Variants in GRIK2 observed in about 807,000 individuals in gnomAD.
GRIK2 encodes glutamate receptor ionotropic, kainate 2.
Under a neutral mutation model 100.3 loss-of-function variants are expected in GRIK2, and 32 were observed. The observed-to-expected ratio is 0.32, with a 90% CI of 0.24 to 0.43. The LOEUF is 0.43. Ranked by LOEUF, GRIK2 falls within the 20% of genes least tolerant of loss-of-function variation. GRIK2 has a pLI of 1.00. For synonymous variants in GRIK2, 417 were observed against 389.4 expected (o/e 1.07, Z -0.83); for missense variants, 843 against 1,114.9 (o/e 0.76, Z 3.47).
chr6:102,033,686 G>A (rs1770117718), intron 14 of GRIK2, among the ~76,000 whole-genome samples: 1 of 151,130 alleles, frequency 6.6e-6, no homozygotes, highest in East Asian at 1.9e-4. Flanking sequence ...AACAGTTTGG[G>A]TGACTTTTCT....
At chr6:101,800,155 G>A (rs901927416) in intron 8 of GRIK2, among the ~76,000 whole-genome samples, 22 of 151,858 alleles carry the variant, frequency 1.4e-4, no homozygotes, top group African/African-American at 4.8e-4. Flanking sequence ...TAATTTGTGA[G>A]GCTTCAAGTA....
chr6:101,820,341 C>T (rs111907221), intron 10 of GRIK2, among the ~76,000 whole-genome samples: 121 of 152,032 alleles, frequency 8.0e-4, no homozygotes, highest in African/African-American at 2.8e-3. Context: ...CTGTAGCCTT[C>T]AGTAATCTGG....
At chr6:101,867,777 A>G (rs1015022267) in intron 11 of GRIK2, among the ~76,000 whole-genome samples, 1 of 151,286 alleles carries the variant, frequency 6.6e-6, no homozygotes, top group African/African-American at 2.4e-5. Flanking sequence ...TTTTAAATTT[A>G]AATTTTTTTT....
intron 14 of GRIK2, among the ~76,000 whole-genome samples, chr6:101,998,958 C>T (rs1262262321): frequency 3.3e-5 from 5 of 151,444 alleles, no homozygotes; most frequent in South Asian, 4.2e-4. Context: ...GGATTACAGG[C>T]GTGTGCCACC....
At chr6:101,838,525 T>TTACC (rs1194381422) in intron 10 of GRIK2, among the ~76,000 whole-genome samples, 1 of 152,210 alleles carries the variant, frequency 6.6e-6, no homozygotes, top group Non-Finnish European at 1.5e-5. Context: ...GACTGTGGTA[T>TTACC]TACCTACGTA....
At position 101,431,942 on chromosome 6, in the gene GRIK2, A is replaced by T. The variant is rs1769430485; in HGVS notation, c.115+32550A>T. Among the ~76,000 whole-genome samples the T allele has an allele frequency of 2.0e-5, 3 of 152,150 alleles. No individual in the cohort carries two copies. In the South Asian group the frequency reaches 6.2e-4, roughly 32 times the overall value. The stretch of plus-strand genomic sequence containing the variant: ...TAACACTCCATGAGATGTGTTCCCA[A>T]CAAAACATTATGCCTCATTAGAAAG... On this transcript the variant is annotated intron_variant, in intron 2 of 16. Coordinates refer to ENST00000369134, the MANE Select transcript of GRIK2 (RefSeq NM_021956.5).
intron 10 of GRIK2, among the ~76,000 whole-genome samples, chr6:101,845,349 A>G (rs922423550): frequency 1.4e-4 from 21 of 152,032 alleles, no homozygotes; most frequent in African/African-American, 4.1e-4. Flanking sequence ...GCAATAGCCT[A>G]TCTGCTTTCT....
At chr6:102,018,430 C>A (rs1213830846) in intron 14 of GRIK2, among the ~76,000 whole-genome samples, 3 of 152,056 alleles carry the variant, frequency 2.0e-5, no homozygotes, top group African/African-American at 7.2e-5. Context: ...TGAGGACTGG[C>A]CTTGTTAAAA....
intron 4 of GRIK2, among the ~76,000 whole-genome samples, chr6:101,631,687 G>A (rs762778962): frequency 4.6e-5 from 7 of 151,914 alleles, no homozygotes; most frequent in South Asian, 2.1e-4. Context: ...GACAACAATC[G>A]GTTGTCAATT....
At chr6:101,402,002 G>T (rs535138800) in intron 2 of GRIK2, among the ~76,000 whole-genome samples, 2 of 152,104 alleles carry the variant, frequency 1.3e-5, no homozygotes, top group South Asian at 4.1e-4. Flanking sequence ...CCGCCCAGGC[G>T]GCCACCCCAG....
At chr6:101,460,532 G>T (rs1426737627) in intron 2 of GRIK2, among the ~76,000 whole-genome samples, 2 of 152,176 alleles carry the variant, frequency 1.3e-5, no homozygotes, top group Non-Finnish European at 2.9e-5. Context: ...TTGCAAATTG[G>T]CTAGAATAGT....
At chr6:101,776,658 C>T (rs947906261) in intron 7 of GRIK2, among the ~76,000 whole-genome samples, 1 of 152,126 alleles carries the variant, frequency 6.6e-6, no homozygotes, top group African/African-American at 2.4e-5. Context: ...AAATACAAGA[C>T]ATTATAATAT....
intron 9 of GRIK2, among the ~76,000 whole-genome samples, chr6:101,816,496 A>G (rs918405545): frequency 6.6e-6 from 1 of 152,150 alleles, no homozygotes; most frequent in Admixed American, 6.5e-5. Flanking sequence ...ACTGGCCAAC[A>G]TGGTGAAACT....
chr6:101,716,156 ACTT>A (rs1393653765), intron 7 of GRIK2, among the ~76,000 whole-genome samples: 4 of 151,688 alleles, frequency 2.6e-5, no homozygotes, highest in African/African-American at 9.7e-5. Context: ...TGTCCAGATA[ACTT>A]CTTATGTTCT....
chr6:101,776,359 T>C (rs1401836731), intron 7 of GRIK2, among the ~76,000 whole-genome samples: 1 of 152,128 alleles, frequency 6.6e-6, no homozygotes, highest in Non-Finnish European at 1.5e-5. Flanking sequence ...TATAAAGAAT[T>C]ATGGAGAGAG....
chr6:101,882,026 G>A (rs1786284193), intron 11 of GRIK2, among the ~76,000 whole-genome samples: 1 of 151,992 alleles, frequency 6.6e-6, no homozygotes, highest in African/African-American at 2.4e-5. Flanking sequence ...GTCTCACATG[G>A]TGGCAGACAA....
intron 2 of GRIK2, chr6:101,430,909 G>T: frequency 5.8e-6 from 2 of 342,836 alleles, no homozygotes; most frequent in South Asian, 3.4e-5. Flanking sequence ...CACTATGTGA[G>T]GATCTTCATG....
chr6:101,989,466 A>C (rs1289501177), intron 14 of GRIK2, among the ~76,000 whole-genome samples: 4 of 151,690 alleles, frequency 2.6e-5, no homozygotes, highest in Non-Finnish European at 5.9e-5. Context: ...TAAATTCTTC[A>C]TGTCACTTAG....
chr6:101,946,680 C>T (rs917109871), intron 14 of GRIK2, among the ~76,000 whole-genome samples: 23 of 152,006 alleles, frequency 1.5e-4, no homozygotes, highest in African/African-American at 3.4e-4. Context: ...ACAGGCAAGG[C>T]GATTATTGTA....
Sources: gnomAD v4.1 joint callset for allele counts (sites outside exome capture counted in the v4.1 genomes callset) on GRCh38, gnomAD v4.1.1 for gene constraint, MANE v1.5 for transcripts, NCBI Gene and HGNC (gene_info 2026-07-23, HGNC 2026-07-21) for gene names.